NCKAP5: variants seen among roughly 807,000 people sequenced by gnomAD.
NCKAP5 encodes the protein nck-associated protein 5.
A neutral mutation model predicts 167.0 loss-of-function variants in NCKAP5; 92 were observed. That is an observed-to-expected ratio of 0.55 (90% CI 0.47 to 0.66). NCKAP5 has a LOEUF of 0.66. Ranked by LOEUF, NCKAP5 falls within the 30% of genes least tolerant of loss-of-function variation. NCKAP5 has a pLI of 0.00. For missense variants in NCKAP5, 2,378 were observed against 2,315.0 expected, an observed-to-expected ratio of 1.03 and a Z score of -0.56; for synonymous variants, 891 against 877.4, an observed-to-expected ratio of 1.02 and a Z score of -0.27.
At chr2:133,182,419 C>A (rs888931737) in intron 5 of NCKAP5, among the ~76,000 whole-genome samples, 2 of 152,178 alleles carry the variant, frequency 1.3e-5, no homozygotes, top group Admixed American at 6.6e-5. Flanking sequence ...AATTTGAAAT[C>A]ATACGGACTG....
chr2:133,085,092 G>A (rs977135539), intron 6 of NCKAP5, among the ~76,000 whole-genome samples: 77 of 152,170 alleles, frequency 5.1e-4, no homozygotes, highest in Non-Finnish European at 1.0e-3. Context: ...TCAGGGTGGG[G>A]AGATGGGAAG....
At chr2:132,761,094 G>A (rs139428514) in intron 16 of NCKAP5, among the ~76,000 whole-genome samples, 38 of 152,250 alleles carry the variant, frequency 2.5e-4, no homozygotes, top group African/African-American at 8.7e-4. Context: ...TTAAGGCTGA[G>A]TCAGGAATTT....
At chr2:133,042,389 C>A (rs1399927031) in intron 6 of NCKAP5, among the ~76,000 whole-genome samples, 1 of 152,022 alleles carries the variant, frequency 6.6e-6, no homozygotes, top group Non-Finnish European at 1.5e-5. Context: ...ATGCAGCCAG[C>A]CAGGATTTCT....
intron 11 of NCKAP5, among the ~76,000 whole-genome samples, chr2:132,845,268 T>C (rs1229352238): frequency 2.0e-5 from 3 of 152,176 alleles, no homozygotes; most frequent in East Asian, 3.8e-4. Context: ...CCTAGGTATA[T>C]AGAATATTTG....
At chr2:132,878,094 A>G (rs1169886085) in intron 9 of NCKAP5, among the ~76,000 whole-genome samples, 2 of 152,180 alleles carry the variant, frequency 1.3e-5, no homozygotes, top group East Asian at 1.9e-4. Context: ...CAATCGTGGC[A>G]GGGAGAGACA....
intron 12 of NCKAP5, among the ~76,000 whole-genome samples, 170 bp from the exon 13 acceptor site, chr2:132,790,375 A>C (rs770837116): frequency 1.1e-4 from 16 of 152,166 alleles, no homozygotes; most frequent in Non-Finnish European, 2.2e-4. Flanking sequence ...TACTCAGTAC[A>C]CCTAACGCAC....
In NCKAP5 at chr2:132,673,148, TC is replaced by T; in HGVS notation, c.*140del. 1 of 1,360,102 alleles carries T rather than the reference TC, an allele frequency of 7.4e-7. No homozygotes were observed. The highest frequency in any genetic ancestry group is 2.8e-5 in the East Asian group (1 of 35,542). The allele number at this position is 1,360,102 out of a possible 1,614,324, so 84.3% of individuals were successfully genotyped here. On this transcript the variant is annotated 3_prime_UTR_variant, in exon 20 of 20. Coordinates refer to ENST00000409261, the MANE Select transcript of NCKAP5 (RefSeq NM_207363.3). ...ACTCAAAGATGTCTCTTCATTTTTT[TC>T]TTTTTCTTCCTTCTGTCCTTCAACC... is the stretch of plus-strand genomic sequence containing the variant.
chr2:133,226,818 C>A (rs1382194449), intron 4 of NCKAP5, among the ~76,000 whole-genome samples: 1 of 152,180 alleles, frequency 6.6e-6, no homozygotes, highest in Non-Finnish European at 1.5e-5. Flanking sequence ...TCAAGACGAA[C>A]TTCTGTTGTG....
the NCKAP5 span, among the ~76,000 whole-genome samples, chr2:133,610,517 C>T: frequency 6.6e-6 from 1 of 152,216 alleles, no homozygotes; most frequent in South Asian, 2.1e-4. Flanking sequence ...CAATTAGTAG[C>T]CTAAGAAGGG....
the NCKAP5 span, among the ~76,000 whole-genome samples, chr2:133,597,606 T>C: frequency 7.5e-6 from 1 of 134,050 alleles, no homozygotes; most frequent in Non-Finnish European, 1.5e-5. Context: ...GAGGTGGAGG[T>C]TGCAGTGAGC....
intron 3 of NCKAP5, among the ~76,000 whole-genome samples, chr2:133,464,858 C>T (rs983715259): frequency 1.3e-5 from 2 of 151,702 alleles, no homozygotes; most frequent in African/African-American, 2.4e-5. Flanking sequence ...GCAAGTCAGA[C>T]ACTCCTCATC....
chr2:132,749,493 A>T (rs953329614), intron 16 of NCKAP5, among the ~76,000 whole-genome samples: 2 of 152,174 alleles, frequency 1.3e-5, no homozygotes, highest in African/African-American at 4.8e-5. Context: ...TGCTGCACCC[A>T]ACCGAATCTC....
chr2:133,103,618 A>T (rs2081588271), intron 6 of NCKAP5, among the ~76,000 whole-genome samples: 2 of 152,112 alleles, frequency 1.3e-5, no homozygotes, highest in East Asian at 1.9e-4. Flanking sequence ...AGACAGCAAG[A>T]CCCTGTCTCT....
intron 4 of NCKAP5, among the ~76,000 whole-genome samples, chr2:133,262,399 C>T (rs1026039030): frequency 3.9e-5 from 6 of 152,334 alleles, no homozygotes; most frequent in Admixed American, 3.9e-4. Context: ...CAACACAACA[C>T]AAAATGATTA....
At chr2:133,074,603 C>A (rs993055377) in intron 6 of NCKAP5, among the ~76,000 whole-genome samples, 16 of 152,134 alleles carry the variant, frequency 1.1e-4, no homozygotes, top group African/African-American at 3.9e-4. Context: ...CTCAAGCAAT[C>A]TGCCTGCCTC....
chr2:133,498,841 C>T (rs910528724), intron 3 of NCKAP5, among the ~76,000 whole-genome samples: 2 of 152,186 alleles, frequency 1.3e-5, no homozygotes, highest in African/African-American at 2.4e-5. Context: ...GATCAACTCA[C>T]ACCTGGCAGT....
chr2:133,306,458 G>C (rs1283798792), intron 3 of NCKAP5, among the ~76,000 whole-genome samples: 5 of 152,236 alleles, frequency 3.3e-5, no homozygotes, highest in Admixed American at 3.3e-4. Flanking sequence ...AAGCATTTTA[G>C]AAAGAGCCTC....
intron 5 of NCKAP5, among the ~76,000 whole-genome samples, chr2:133,194,892 AT>A (rs1559251598): frequency 1.3e-5 from 2 of 151,622 alleles, no homozygotes; most frequent in Middle Eastern, 3.4e-3. Flanking sequence ...TATGAAAAAA[AT>A]ATTCTAGCTC....
At chr2:132,863,341 G>A (rs1574455383) in intron 10 of NCKAP5, among the ~76,000 whole-genome samples, 2 of 151,476 alleles carry the variant, frequency 1.3e-5, no homozygotes, top group Admixed American at 1.3e-4. Context: ...ATATGGAAAC[G>A]GAAGCATACA....
Sources: gnomAD v4.1 joint callset for allele counts (sites outside exome capture counted in the v4.1 genomes callset) on GRCh38, gnomAD v4.1.1 for gene constraint, MANE v1.5 for transcripts, NCBI Gene and HGNC (gene_info 2026-07-23, HGNC 2026-07-21) for gene names.